Variants in EPB41 observed in about 807,000 individuals in gnomAD.
The protein encoded by EPB41 is erythrocyte membrane protein band 4.1, also known as protein 4.1.
A neutral mutation model predicts 108.0 loss-of-function variants in EPB41; 65 were observed. That is an observed-to-expected ratio of 0.60 (90% CI 0.49 to 0.74). The LOEUF is 0.74. Among genes scored for constraint, EPB41 ranks in the 30% least tolerant of loss-of-function variants. The pLI is 0.00. For missense variants in EPB41, 875 were observed against 1,037.0 expected (o/e 0.84, Z 2.15); for synonymous variants, 336 against 358.9 (o/e 0.94, Z 0.72).
intron 1 of EPB41, among the ~76,000 whole-genome samples, chr1:28,942,167 G>A (rs1382727676): frequency 6.6e-6 from 1 of 152,008 alleles, no homozygotes; most frequent in Admixed American, 6.6e-5. Flanking sequence ...CAGATGTGTG[G>A]CGTGGTTTTT....
chr1:29,082,281 C>T (rs1337718435), intron 16 of EPB41, among the ~76,000 whole-genome samples: 2 of 152,008 alleles, frequency 1.3e-5, no homozygotes, highest in East Asian at 1.9e-4. Flanking sequence ...CCCGCCACCA[C>T]GCCTGGCTAA....
rs536156004 is a variant in EPB41, at chr1:28,900,290, C to CT, written c.-8+13095dup. On this transcript the variant is annotated intron_variant, in intron 1 of 16. Transcript: ENST00000347529. ...GATGTGGGATCATTTACTTCTTCTT[C>CT]TTTTTTTTTTTTTTTGAGATGGAGT... Among the ~76,000 whole-genome samples the CT allele has an allele frequency of 6.7e-3, 841 of 126,074 alleles. 4 individuals are homozygous for CT. The highest frequency in any genetic ancestry group is 0.017 in the Middle Eastern group (4 of 242). The allele number at this position is 126,074 out of a possible 152,430, so 82.7% of individuals were successfully genotyped here.
At chr1:28,931,780 C>T (rs907752983) in intron 1 of EPB41, among the ~76,000 whole-genome samples, 8 of 152,076 alleles carry the variant, frequency 5.3e-5, no homozygotes, top group African/African-American at 9.6e-5. Context: ...ATGATCCACT[C>T]GCCTCGGCCT....
rs777874461 is a variant in EPB41 at position 29,018,303 on chromosome 1, G to T, written c.985G>T (p.Gly329Cys). 6.2e-7 allele frequency: 1 copy of T among 1,614,130 alleles called. No homozygotes were observed. The highest frequency in any genetic ancestry group is 8.5e-7 in the Non-Finnish European group (1 of 1,180,020). Residue 329 changes from glycine (G) to cysteine (C), a missense_variant, in exon 7 of 21, where the codon GGT (glycine) becomes TGT (cysteine). Physicochemically the swap from Gly to Cys is radical, Grantham distance 159 (BLOSUM62 -3). This residue lies in a region of EPB41 where 353 missense variants were observed against 393.2 expected (regional missense o/e 0.90). Transcript: ENST00000343067. This position sits in a 1 kb window ranked among gnomAD's most constrained non-coding sequence, Gnocchi z 4.4. ...PCSFATLALL[G>C]SYTIQSELGD... The stretch of plus-strand genomic sequence containing the variant: ...TTCCTTTGCAACCTTAGCATTATTA[G>T]GTTCTTACACCATCCAGTCTGAACT...
chr1:28,930,777 A>C (rs558269050), intron 1 of EPB41, among the ~76,000 whole-genome samples: 1 of 152,094 alleles, frequency 6.6e-6, no homozygotes, highest in South Asian at 2.1e-4. Flanking sequence ...GAGCCACCGC[A>C]CCTGGCCCAT....
rs568926813 is a variant in EPB41 at position 29,098,017 on chromosome 1, T to C, written c.2313+82T>C. ...TCTTCACAGAGTTTCTAGTCATTTA[T>C]CGCCAAGAATACCAGGTTTTTCTGG... On this transcript the variant is annotated intron_variant, in intron 17 of 20. Coordinates refer to ENST00000343067, the MANE Select transcript of EPB41 (RefSeq NM_001376013.1). The C allele has an allele frequency of 1.8e-5, 29 of 1,586,510 alleles. No individual in the cohort carries two copies. The African/African-American group carries it at 3.5e-4, about 19-fold the overall frequency.
intron 12 of EPB41, among the ~76,000 whole-genome samples, chr1:29,057,386 A>G (rs1645703356): frequency 6.6e-6 from 1 of 150,772 alleles, no homozygotes; most frequent in Non-Finnish European, 1.5e-5. Flanking sequence ...AAAAAAAAAA[A>G]AAAAAAAAAA....
chr1:29,022,654 G>A (rs2150131791), intron 7 of EPB41, among the ~76,000 whole-genome samples: 1 of 152,082 alleles, frequency 6.6e-6, no homozygotes, highest in Middle Eastern at 3.4e-3. Flanking sequence ...CTGGGAGGCG[G>A]TGGTTGCAGT....
chr1:29,059,990 A>G (rs1646228831), intron 14 of EPB41, among the ~76,000 whole-genome samples: 1 of 152,220 alleles, frequency 6.6e-6, no homozygotes, highest in African/African-American at 2.4e-5. Flanking sequence ...TTAGAGATCT[A>G]GATACTGCAG....
chr1:29,035,984 CCTG>C (rs1041547546), intron 10 of EPB41, 61 bp downstream of exon 10: 71 of 1,314,496 alleles, frequency 5.4e-5, no homozygotes, highest in Non-Finnish European at 7.6e-5. Context: ...CTATTTTAAG[CCTG>C]CTATTAAAAT....
At chr1:29,051,208 C>T (rs1558156030) in intron 11 of EPB41, among the ~76,000 whole-genome samples, 1 of 144,762 alleles carries the variant, frequency 6.9e-6, no homozygotes, top group Non-Finnish European at 1.5e-5. Context: ...AAGTGATTCT[C>T]CTGCCTCAGC....
At chr1:29,068,723 G>C in intron 16 of EPB41, 2 of 1,231,846 alleles carry the variant, frequency 1.6e-6, no homozygotes, top group Non-Finnish European at 1.0e-6. Context: ...TATAATTTGT[G>C]TATGACCAGG....
intron 16 of EPB41, among the ~76,000 whole-genome samples, chr1:29,085,954 A>G (rs552661055): frequency 6.6e-6 from 1 of 152,308 alleles, no homozygotes; most frequent in South Asian, 2.1e-4. Flanking sequence ...CTAGCTTATA[A>G]TTCTTTCCTC....
intron 1 of EPB41, among the ~76,000 whole-genome samples, chr1:28,979,820 A>C (rs2095693323): frequency 6.6e-6 from 1 of 152,148 alleles, no homozygotes; most frequent in Admixed American, 6.6e-5. Flanking sequence ...AAAGTGAAAC[A>C]CCTTATAAAT....
At chr1:29,012,258 G>T (rs899845151) in intron 5 of EPB41, among the ~76,000 whole-genome samples, 1 of 152,148 alleles carries the variant, frequency 6.6e-6, no homozygotes, top group Non-Finnish European at 1.5e-5. Flanking sequence ...ACTTGAAACC[G>T]CAGTTGCCTA....
intron 17 of EPB41, 29 bp from the exon 18 acceptor site, chr1:29,109,307 A>G: frequency 6.4e-7 from 1 of 1,570,296 alleles, no homozygotes; most frequent in South Asian, 1.1e-5. Flanking sequence ...CCTGAGAGGC[A>G]TGATGATGAG....
chr1:29,102,402 C>G (rs989354906), intron 17 of EPB41, among the ~76,000 whole-genome samples: 2 of 152,070 alleles, frequency 1.3e-5, no homozygotes, highest in African/African-American at 2.4e-5. Context: ...TCAATACACT[C>G]TCTCTGAATG....
In EPB41 at chr1:28,914,735, T is replaced by C. The variant is rs1289424527; in HGVS notation, c.-41T>C. The C allele has an allele frequency of 9.8e-5, 15 of 152,666 alleles. No homozygotes were observed. Among genetic ancestry groups the C allele is most frequent in the Non-Finnish European group, 2.2e-4 (15 of 68,088 alleles). The allele number at this position is 152,666 out of a possible 1,614,324, so 9.5% of individuals were successfully genotyped here. A position where few individuals can be genotyped will look rare whatever the true frequency, so the allele number is the denominator to read the frequency against. On this transcript the variant is annotated 5_prime_UTR_variant, in exon 1 of 21. Transcript: ENST00000343067. ...GCCATTGTTCGTCGGGCTGCAGCAGTGGCGGGCGCAGGAGCCCGGCCCCGG... is the reference window on the plus strand; with the variant it reads ...GCCATTGTTCGTCGGGCTGCAGCAGCGGCGGGCGCAGGAGCCCGGCCCCGG...
intron 1 of EPB41, chr1:28,893,287 T>C (rs1007473301): frequency 6.6e-6 from 1 of 152,194 alleles, no homozygotes; most frequent in Non-Finnish European, 1.5e-5. Context: ...CCTAGGCTGG[T>C]CTTGAACTCC....
Sources: gnomAD v4.1 joint callset for allele counts (sites outside exome capture counted in the v4.1 genomes callset) on GRCh38, gnomAD v4.1.1 for gene constraint, gnomAD v4.1.1 regional missense constraint, Gnocchi (gnomAD v3.1) non-coding constraint, MANE v1.5 for transcripts, NCBI Gene and HGNC (gene_info 2026-07-23, HGNC 2026-07-21) for gene names.